Variants in ABCB9 observed in about 807,000 individuals in gnomAD.
The protein encoded by ABCB9 is ABC-type oligopeptide transporter ABCB9.
ABCB9 carries 36 observed loss-of-function variants against 62.0 expected under a neutral mutation model. That is an observed-to-expected ratio of 0.58 (90% CI 0.45 to 0.77). The LOEUF (loss-of-function observed/expected upper bound fraction) is 0.77, where lower values mean the gene tolerates loss of function less well. Ranked by LOEUF, ABCB9 falls within the 30% of genes least tolerant of loss-of-function variation. The probability of loss-of-function intolerance (pLI) is 0.00; values close to 1 mark genes in which losing one functional copy is unlikely to be tolerated. For synonymous variants in ABCB9, 435 were observed against 461.4 expected, an observed-to-expected ratio of 0.94 and a Z score of 0.73; for missense variants, 943 against 1,054.7, an observed-to-expected ratio of 0.89 and a Z score of 1.47.
In ABCB9 at chr12:122,929,352, C is replaced by T. The variant is rs1227992232; in HGVS notation, c.*559G>A. 6.1e-6 allele frequency: 6 copies of T among 985,922 alleles called. No individual in the cohort carries two copies. In the African/African-American group the frequency reaches 1.0e-4, roughly 17 times the overall value. 61.1% of individuals were successfully genotyped at this position (985,922 alleles called of 1,614,324 possible). On this transcript the variant is annotated 3_prime_UTR_variant, in exon 12 of 12. Transcript: ENST00000280560. The surrounding 1 kb of genome is among the most constrained non-coding windows in gnomAD (Gnocchi z 6.0). ...TGGCAGACAGATGCCCTCCACGCTCCCTACCCGCCCTGGCCAGACTCACAG... is the reference window on the plus strand; with the variant it reads ...TGGCAGACAGATGCCCTCCACGCTCTCTACCCGCCCTGGCCAGACTCACAG...
chr12:122,945,695 T>G (rs1209368169), intron 6 of ABCB9, among the ~76,000 whole-genome samples: 4 of 151,924 alleles, frequency 2.6e-5, no homozygotes, highest in African/African-American at 9.7e-5. Flanking sequence ...CTGGCCAAGA[T>G]AGTGAAACCC....
downstream of ABCB9, among the ~76,000 whole-genome samples, chr12:122,928,016 G>A (rs181003452): frequency 1.3e-3 from 195 of 152,284 alleles, no homozygotes; most frequent in Non-Finnish European, 2.2e-3. Context: ...GTAGCAGGCT[G>A]AGTGGTGGCC....
chr12:122,934,206 C>T (rs2035339806), intron 10 of ABCB9, among the ~76,000 whole-genome samples: 1 of 152,178 alleles, frequency 6.6e-6, no homozygotes, highest in South Asian at 2.1e-4. Flanking sequence ...CAAGATTACT[C>T]CACTCTACTC....
intron 5 of ABCB9, 26 bp from the exon 6 acceptor site, chr12:122,946,248 G>A (rs1239141427): frequency 6.2e-7 from 1 of 1,613,424 alleles, no homozygotes; most frequent in South Asian, 1.1e-5. Flanking sequence ...GGACAAGAAG[G>A]AGAAGACCCC....
intron 11 of ABCB9, among the ~76,000 whole-genome samples, chr12:122,923,947 T>C (rs915336914): frequency 2.0e-5 from 3 of 152,178 alleles, no homozygotes; most frequent in Non-Finnish European, 2.9e-5. Flanking sequence ...CTGCAGCAGA[T>C]AGCAGGGGGC....
At position 122,929,436 on chromosome 12, in the gene ABCB9, A is replaced by C; in HGVS notation, c.*475T>G. ...CCCCGTGTCTCCCTCCGGGACAGGG[A>C]AGCCCCTTCTCTGGAGGGGTAAAGG... On this transcript the variant is annotated 3_prime_UTR_variant, in exon 12 of 12. Coordinates refer to ENST00000280560, the MANE Select transcript of ABCB9 (RefSeq NM_019625.4). This position sits in a 1 kb window ranked among gnomAD's most constrained non-coding sequence, Gnocchi z 6.0. The C allele has an allele frequency of 1.0e-6, 1 of 987,592 alleles. No individual in the cohort carries two copies. The highest frequency in any genetic ancestry group is 1.2e-6 in the Non-Finnish European group (1 of 831,190). 61.2% of individuals were successfully genotyped at this position (987,592 alleles called of 1,614,324 possible).
chr12:122,937,080 A>G lies in ABCB9; in HGVS notation c.1744-1649T>C, dbSNP rs371602035. Among the ~76,000 whole-genome samples, 10 of 151,850 alleles carry G rather than the reference A, an allele frequency of 6.6e-5. No homozygotes were observed. The South Asian group carries it at 1.0e-3, about 16-fold the overall frequency. On this transcript the variant is annotated intron_variant, in intron 9 of 11. Transcript: ENST00000280560. The stretch of plus-strand genomic sequence containing the variant: ...TCCTATCTCAAACAAAAAGTACATA[A>G]ATAGTCCAGGCGCCATGGCTCACTC...
At chr12:122,946,691 G>A (rs543761746) in intron 5 of ABCB9, among the ~76,000 whole-genome samples, 50 of 152,368 alleles carry the variant, frequency 3.3e-4, no homozygotes, top group African/African-American at 9.9e-4. Flanking sequence ...GAGCCTGAGG[G>A]TTGATAAAGA....
chr12:122,925,447 C>CA (rs929038270), downstream of ABCB9, among the ~76,000 whole-genome samples: 56 of 151,042 alleles, frequency 3.7e-4, no homozygotes, highest in Non-Finnish European at 5.6e-4. Flanking sequence ...CAAACTCCCA[C>CA]AAAAAAAACA....
intron 5 of ABCB9, chr12:122,946,572 G>A: frequency 3.3e-6 from 1 of 304,096 alleles, no homozygotes; most frequent in South Asian, 3.8e-5. Flanking sequence ...ACCTGACCCT[G>A]TGCTGGAAGA....
At chr12:122,945,214 C>G (rs982027741) in intron 6 of ABCB9, among the ~76,000 whole-genome samples, 1 of 152,150 alleles carries the variant, frequency 6.6e-6, no homozygotes, top group Non-Finnish European at 1.5e-5. Flanking sequence ...GTGGCAGCAC[C>G]AGGAAGTCCC....
chr12:122,926,481 A>G (rs546777769), downstream of ABCB9, among the ~76,000 whole-genome samples: 5 of 152,336 alleles, frequency 3.3e-5, no homozygotes, highest in South Asian at 1.0e-3. Context: ...AGGGAGGCAG[A>G]GGTTGCAGCG....
intron 3 of ABCB9, 109 bp from the exon 4 acceptor site, chr12:122,950,027 C>T: frequency 1.4e-6 from 2 of 1,464,534 alleles, no homozygotes; most frequent in South Asian, 1.2e-5. Flanking sequence ...CGCAGCCCCA[C>T]TCCAGGGCTG....
At chr12:122,921,138 G>GC in intron 11 of ABCB9, 1 of 1,232,614 alleles carries the variant, frequency 8.1e-7, no homozygotes, top group South Asian at 1.3e-5. Flanking sequence ...TGGTTGGCTG[G>GC]GCGTGATGGG....
intron 9 of ABCB9, among the ~76,000 whole-genome samples, chr12:122,938,952 A>C (rs2035594610): frequency 6.6e-6 from 1 of 152,282 alleles, no homozygotes; most frequent in Non-Finnish European, 1.5e-5. Context: ...CAGGCTGATC[A>C]CCTGAGGTCA....
Position 122,932,383 on chromosome 12 carries a change from G to T in ABCB9, c.1904-55C>A. The T allele has an allele frequency of 4.6e-6, 7 of 1,511,334 alleles. No individual in the cohort carries two copies. The South Asian group carries it at 8.8e-5, about 19-fold the overall frequency. 93.6% of individuals were successfully genotyped at this position (1,511,334 alleles called of 1,614,324 possible). A position where few individuals can be genotyped will look rare whatever the true frequency, so the allele number is the denominator to read the frequency against. ...GCAATGGGTGAGGCCGGGCAGCACC[G>T]GGGAAGAGTGAGAGGCCCTGCCCTG... is the stretch of plus-strand genomic sequence containing the variant. On this transcript the variant is annotated intron_variant, in intron 10 of 11. Transcript: ENST00000280560. The surrounding 1 kb of genome is among the most constrained non-coding windows in gnomAD (Gnocchi z 4.7).
intron 11 of ABCB9, among the ~76,000 whole-genome samples, chr12:122,923,165 C>T (rs2034792333): frequency 6.6e-6 from 1 of 152,116 alleles, no homozygotes; most frequent in Non-Finnish European, 1.5e-5. Context: ...TGCAGTGGCG[C>T]CATCATGGCT....
Position 122,944,597 on chromosome 12 carries a change from G to A in ABCB9, c.1252-78C>T, listed in dbSNP as rs746906797. ...ATCCCCATTCCCTGACCCATCCCAG[G>A]CTGCAGGGGGAGGTGAGGGCAGACC... On this transcript the variant is annotated intron_variant, in intron 6 of 11. Coordinates refer to ENST00000280560, the MANE Select transcript of ABCB9 (RefSeq NM_019625.4). The surrounding 1 kb of genome is among the most constrained non-coding windows in gnomAD (Gnocchi z 4.9). The A allele has an allele frequency of 6.4e-7, 1 of 1,567,996 alleles. No individual in the cohort carries two copies. Among genetic ancestry groups the A allele is most frequent in the South Asian group, 1.1e-5 (1 of 86,966 alleles).
chr12:122,942,440 G>A (rs192276603), intron 7 of ABCB9, among the ~76,000 whole-genome samples: 1 of 139,680 alleles, frequency 7.2e-6, no homozygotes, highest in East Asian at 2.0e-4. Context: ...ATACAATTTT[G>A]TACTAAATTT....
Sources: allele counts gnomAD v4.1 joint callset (sites outside exome capture counted in the v4.1 genomes callset), GRCh38; gene constraint gnomAD v4.1.1; non-coding constraint Gnocchi (gnomAD v3.1); transcripts MANE v1.5; gene names NCBI Gene and HGNC (gene_info 2026-07-23, HGNC 2026-07-21).